MYCBP2: variants seen among roughly 807,000 people sequenced by gnomAD.
MYCBP2 encodes MYC binding protein 2, also known as E3 ubiquitin-protein ligase MYCBP2.
Under a neutral mutation model 525.3 loss-of-function variants are expected in MYCBP2, and 120 were observed. The ratio of observed to expected loss-of-function variants is 0.23; its 90% CI spans 0.20 to 0.27. MYCBP2 has a LOEUF of 0.27. Among genes scored for constraint, MYCBP2 ranks in the 10% least tolerant of loss-of-function variants. The probability of loss-of-function intolerance (pLI) is 1.00; values close to 1 mark genes in which losing one functional copy is unlikely to be tolerated. For missense variants in MYCBP2, 4,149 were observed against 5,657.1 expected (o/e 0.73, Z 8.55); for synonymous variants, 1,894 against 1,955.8 (o/e 0.97, Z 0.83).
At chr13:77,316,765 T>TAGCCATTCTAGATTCCTTTAATCTA (rs1321315948) in intron 1 of MYCBP2, among the ~76,000 whole-genome samples, 1 of 152,118 alleles carries the variant, frequency 6.6e-6, no homozygotes. Flanking sequence ...GGTGGCTGAC[T>TAGCCATTCTAGATTCCTTTAATCTA]TCATGGGGTG....
At chr13:77,188,407 C>T (rs1248761802) in intron 30 of MYCBP2, among the ~76,000 whole-genome samples, 4 of 152,102 alleles carry the variant, frequency 2.6e-5, no homozygotes, top group African/African-American at 4.8e-5. Flanking sequence ...AGGTAACATA[C>T]GTAAGAATCC....
chr13:77,278,802 C>A lies in MYCBP2; in HGVS notation c.704G>T (p.Gly235Val). ...SLQALLNVLQ[G>V]QQPEGLQSEP... ...AGACTGGAGGCCTTCTGGCTGCTGG[C>A]CCTGCAGCACGTTGAGCAGGGCTTG... The change falls in exon 4 of 83, where the codon GGC becomes GTC. Residue 235 changes from glycine to valine, a missense_variant. Physicochemically the swap from Gly to Val is moderately radical, Grantham distance 109 (BLOSUM62 -3). Transcript: ENST00000544440. The A allele has an allele frequency of 6.3e-7, 1 of 1,589,976 alleles. No homozygotes were observed. The highest frequency in any genetic ancestry group is 8.6e-7 in the Non-Finnish European group (1 of 1,168,816).
intron 1 of MYCBP2, among the ~76,000 whole-genome samples, chr13:77,302,950 C>T (rs1449774257): frequency 6.6e-6 from 1 of 152,120 alleles, no homozygotes; most frequent in Non-Finnish European, 1.5e-5. Context: ...AAATACAAAT[C>T]CACAATTGAA....
At chr13:77,045,652 T>TA (rs1566251776) in intron 82 of MYCBP2, among the ~76,000 whole-genome samples, 159 bp from the exon 83 acceptor site, 2 of 152,134 alleles carry the variant, frequency 1.3e-5, no homozygotes, top group Non-Finnish European at 2.9e-5. Flanking sequence ...ATCACAAAAG[T>TA]AAAAAATGTT....
At chr13:77,066,778 A>C (rs1240776961) in intron 71 of MYCBP2, among the ~76,000 whole-genome samples, 1 of 152,208 alleles carries the variant, frequency 6.6e-6, no homozygotes, top group Non-Finnish European at 1.5e-5. Flanking sequence ...GATATTTTGC[A>C]ATTATTTTAA....
intron 10 of MYCBP2, 41 bp from the exon 11 acceptor site, chr13:77,262,170 T>C (rs752262389): frequency 3.3e-6 from 5 of 1,504,970 alleles, no homozygotes; most frequent in Admixed American, 3.5e-5. Context: ...ATTTCTAATA[T>C]GAAGAATTCT....
Position 77,326,462 on chromosome 13 carries a change from C to G in MYCBP2, c.302+12G>C, listed in dbSNP as rs1225251672. On this transcript the variant is annotated intron_variant, in intron 1 of 82. Transcript: ENST00000544440. This position sits in a 1 kb window ranked among gnomAD's most constrained non-coding sequence, Gnocchi z 4.2. ...GGCATGGGGCGCAAGGAAGGGCACC[C>G]TGGGGACGCACCTGGAGGCTGGGTG... The G allele has an allele frequency of 7.8e-6, 12 of 1,543,626 alleles. No homozygotes were observed. The highest frequency in any genetic ancestry group is 9.6e-6 in the Non-Finnish European group (11 of 1,150,058).
chr13:77,256,833 A>G (rs568406550), intron 14 of MYCBP2, among the ~76,000 whole-genome samples: 1 of 152,174 alleles, frequency 6.6e-6, no homozygotes, highest in African/African-American at 2.4e-5. Context: ...GAGCTTCCCC[A>G]AAAAACTGAA....
chr13:77,049,295 TA>T (rs199846749), intron 82 of MYCBP2, among the ~76,000 whole-genome samples: 1 of 150,874 alleles, frequency 6.6e-6, no homozygotes, highest in South Asian at 2.1e-4. Context: ...CTACTTCTAT[TA>T]AAAAAAAACA....
intron 55 of MYCBP2, among the ~76,000 whole-genome samples, chr13:77,108,473 G>A (rs898071007): frequency 2.6e-5 from 4 of 152,104 alleles, no homozygotes; most frequent in African/African-American, 9.7e-5. Flanking sequence ...AAGAAGGTTG[G>A]ATATGCTTTT....
At chr13:77,111,351 T>G (rs1346561340) in intron 55 of MYCBP2, among the ~76,000 whole-genome samples, 1 of 152,110 alleles carries the variant, frequency 6.6e-6, no homozygotes, top group African/African-American at 2.4e-5. Context: ...TTCTTGGTAC[T>G]AGATAAGATA....
intron 20 of MYCBP2, among the ~76,000 whole-genome samples, chr13:77,220,935 G>A (rs954950559): frequency 6.6e-6 from 1 of 152,120 alleles, no homozygotes; most frequent in African/African-American, 2.4e-5. Context: ...CAGTCTTTCA[G>A]TTACCACTCA....
intron 82 of MYCBP2, among the ~76,000 whole-genome samples, chr13:77,046,900 C>T (rs1262972299): frequency 6.6e-6 from 1 of 152,166 alleles, no homozygotes; most frequent in Admixed American, 6.5e-5. Context: ...TTGGTGCCCA[C>T]CCCACCAGTG....
At chr13:77,068,523 A>G (rs1268058031) in intron 70 of MYCBP2, 42 bp downstream of exon 70, 1 of 1,586,674 alleles carries the variant, frequency 6.3e-7, no homozygotes, top group East Asian at 2.3e-5. Context: ...ACAATGTTTC[A>G]AGTAACAAAA....
At chr13:77,271,740 AGCC>A (rs2074926692) in intron 5 of MYCBP2, among the ~76,000 whole-genome samples, 1 of 152,240 alleles carries the variant, frequency 6.6e-6, no homozygotes, top group South Asian at 2.1e-4. Context: ...AGGTTTCTCC[AGCC>A]ATGTGGAACT....
intron 3 of MYCBP2, among the ~76,000 whole-genome samples, chr13:77,280,067 A>G (rs2076030803): frequency 6.6e-6 from 1 of 152,192 alleles, no homozygotes; most frequent in Non-Finnish European, 1.5e-5. Flanking sequence ...TAATTTATTC[A>G]CTAAATTGTT....
At chr13:77,186,200 T>C in intron 30 of MYCBP2, 137 bp from the exon 31 acceptor site, 1 of 567,308 alleles carries the variant, frequency 1.8e-6, no homozygotes, top group Non-Finnish European at 2.9e-6. Flanking sequence ...TGAATTTTTT[T>C]TACTGAGCCC....
At chr13:77,056,078 A>G (rs1047607215) in intron 79 of MYCBP2, among the ~76,000 whole-genome samples, 1 of 149,566 alleles carries the variant, frequency 6.7e-6, no homozygotes, top group African/African-American at 2.5e-5. Flanking sequence ...TGTTGCCACA[A>G]ATAAGACACG....
intron 1 of MYCBP2, among the ~76,000 whole-genome samples, chr13:77,301,376 T>C (rs769996456): frequency 6.0e-5 from 8 of 133,010 alleles, no homozygotes; most frequent in Middle Eastern, 4.2e-3. Flanking sequence ...AGAGCCAAGA[T>C]CGCGCCACTG....
Sources: allele counts gnomAD v4.1 joint callset (sites outside exome capture counted in the v4.1 genomes callset), GRCh38; gene constraint gnomAD v4.1.1; non-coding constraint Gnocchi (gnomAD v3.1); transcripts MANE v1.5; gene names NCBI Gene and HGNC (gene_info 2026-07-23, HGNC 2026-07-21).